The following MAP3K4 variants were observed in gnomAD, a reference collection of about 807,000 sequenced individuals.
MAP3K4 encodes mitogen-activated protein kinase kinase kinase 4.
A neutral mutation model predicts 185.6 loss-of-function variants in MAP3K4; 67 were observed. That is an observed-to-expected ratio of 0.36 (90% CI 0.30 to 0.44). MAP3K4 has a LOEUF of 0.44. Among genes scored for constraint, MAP3K4 ranks in the 20% least tolerant of loss-of-function variants. MAP3K4 has a pLI of 1.00. For synonymous variants in MAP3K4, 702 were observed against 710.4 expected (o/e 0.99, Z 0.19); for missense variants, 1,551 against 1,995.1 (o/e 0.78, Z 4.24).
rs547335654 is a variant in MAP3K4 at position 161,115,670 on chromosome 6, A to T, written c.4806+368A>T. On this transcript the variant is annotated intron_variant, in intron 26 of 26. Coordinates refer to ENST00000392142, the MANE Select transcript of MAP3K4 (RefSeq NM_005922.4). This position sits in a 1 kb window ranked among gnomAD's most constrained non-coding sequence, Gnocchi z 6.0. The stretch of plus-strand genomic sequence containing the variant: ...ATAATGGTATATAAGGTTACTCAGA[A>T]GAGGAATTTAATTAAGTCAGCCAAT... 6.6e-6 allele frequency among the ~76,000 whole-genome samples: 1 copy of T among 152,328 alleles called. No homozygotes were observed. The highest frequency in any genetic ancestry group is 2.1e-4 in the South Asian group (1 of 4,832).
chr6:161,028,608 T>C (rs1055237365), intron 1 of MAP3K4, among the ~76,000 whole-genome samples: 3 of 152,172 alleles, frequency 2.0e-5, no homozygotes, highest in South Asian at 2.1e-4. Context: ...AGGCTCCTGC[T>C]CTTCAGTAAT....
Position 161,080,971 on chromosome 6 carries a change from T to A in MAP3K4, c.2188T>A (p.Trp730Arg). 1 of 1,614,112 alleles carries A rather than the reference T, an allele frequency of 6.2e-7. No individual in the cohort carries two copies. Among genetic ancestry groups the A allele is most frequent in the Non-Finnish European group, 8.5e-7 (1 of 1,179,996 alleles). ...TTTAAAAAATCTGTTAGAAGAAGAA[T>A]GGAATTTCACCAAAGAAATAACTCA... is the stretch of plus-strand genomic sequence containing the variant. ...HSLKNLLEEE[W>R]NFTKEITHYI... The change falls in exon 6 of 27, where the codon TGG (tryptophan) becomes AGG (arginine). Residue 730 changes from tryptophan to arginine, a missense_variant. Trp to Arg is a moderately radical substitution (Grantham distance 101). Coordinates refer to ENST00000392142, the MANE Select transcript of MAP3K4 (RefSeq NM_005922.4). The surrounding 1 kb of genome is among the most constrained non-coding windows in gnomAD (Gnocchi z 4.8).
intron 1 of MAP3K4, among the ~76,000 whole-genome samples, chr6:160,993,026 T>G (rs1490418120): frequency 6.6e-6 from 1 of 152,210 alleles, no homozygotes; most frequent in African/African-American, 2.4e-5. Flanking sequence ...GTTCTAGGAA[T>G]AAGGCAGTAA....
chr6:161,030,367 G>A (rs1782867948), intron 1 of MAP3K4, among the ~76,000 whole-genome samples: 1 of 151,928 alleles, frequency 6.6e-6, no homozygotes, highest in South Asian at 2.1e-4. Context: ...GTCTACTTGA[G>A]TCATTTCTGG....
Position 161,084,418 on chromosome 6 carries a change from C to A in MAP3K4, c.2256-83C>A. On this transcript the variant is annotated intron_variant, in intron 6 of 26. Transcript: ENST00000392142. The surrounding 1 kb of genome is among the most constrained non-coding windows in gnomAD (Gnocchi z 4.6). ...TTAAACCATTAGAGCAGTAGCTGAG[C>A]CTTTCAAGTTTCTCAGTCAAGAATT... 2 of 730,228 alleles carry A rather than the reference C, an allele frequency of 2.7e-6. No individual in the cohort carries two copies. 45.2% of individuals were successfully genotyped at this position (730,228 alleles called of 1,614,324 possible).
chr6:161,088,196 T>C lies in MAP3K4; in HGVS notation c.2823+242T>C, dbSNP rs1785837772. On this transcript the variant is annotated intron_variant, in intron 10 of 26. Transcript: ENST00000392142. The surrounding 1 kb of genome is among the most constrained non-coding windows in gnomAD (Gnocchi z 4.5). ...AACCATCTATCTGGTTTATATCTTT[T>C]CTTAGTTCAGTCATGTAGTTAGATC... Among the ~76,000 whole-genome samples, 1 of 152,248 alleles carries C rather than the reference T, an allele frequency of 6.6e-6. No individual in the cohort carries two copies. The highest frequency in any genetic ancestry group is 2.4e-5 in the African/African-American group (1 of 41,458).
intron 1 of MAP3K4, among the ~76,000 whole-genome samples, chr6:161,014,922 A>T (rs1407494032): frequency 6.6e-6 from 1 of 152,184 alleles, no homozygotes; most frequent in Non-Finnish European, 1.5e-5. Flanking sequence ...CCCGGTCCCC[A>T]ACCCTCCCAC....
rs765680030 is a variant in MAP3K4, at chr6:161,049,716, T to G, written c.1444T>G (p.Phe482Val). ...AATCAGACAGCCCATAGATAACAGCTTCGACATCCAGTCGCGGGACTGCAT... is the reference window on the plus strand; with the variant it reads ...AATCAGACAGCCCATAGATAACAGCGTCGACATCCAGTCGCGGGACTGCAT... ...PEIRQPIDNSFDIQSRDCISK... is the reference protein window; with the variant it reads ...PEIRQPIDNSVDIQSRDCISK... The change falls in exon 3 of 27, where the codon TTC (phenylalanine) becomes GTC (valine). Residue 482 changes from phenylalanine (F) to valine (V), a missense_variant. Physicochemically the swap from Phe to Val is conservative, Grantham distance 50. Coordinates refer to ENST00000392142, the MANE Select transcript of MAP3K4 (RefSeq NM_005922.4). This position sits in a 1 kb window ranked among gnomAD's most constrained non-coding sequence, Gnocchi z 8.4. 3 of 1,614,120 alleles carry G rather than the reference T, an allele frequency of 1.9e-6. No individual in the cohort carries two copies. Among genetic ancestry groups the G allele is most frequent in the Non-Finnish European group, 2.5e-6 (3 of 1,180,022 alleles).
chr6:161,072,832 T>G (rs955342217), intron 4 of MAP3K4, among the ~76,000 whole-genome samples: 1 of 152,200 alleles, frequency 6.6e-6, no homozygotes, highest in Non-Finnish European at 1.5e-5. Flanking sequence ...ATTTCAACCT[T>G]CTGCCCACGT....
At chr6:161,025,904 C>G (rs1297343349) in intron 1 of MAP3K4, among the ~76,000 whole-genome samples, 1 of 152,136 alleles carries the variant, frequency 6.6e-6, no homozygotes, top group Non-Finnish European at 1.5e-5. Flanking sequence ...ATTTTCCTGT[C>G]TTAGACCTAT....
intron 3 of MAP3K4, among the ~76,000 whole-genome samples, chr6:161,052,022 A>C (rs1185177432): frequency 1.3e-5 from 2 of 152,092 alleles, no homozygotes; most frequent in Non-Finnish European, 2.9e-5. Context: ...CTGCGGATGC[A>C]TATCCCAGGG....
rs1213315209 is a variant in MAP3K4 at position 161,106,501 on chromosome 6, G to T, written c.3857-13G>T. 23 of 1,587,208 alleles carry T rather than the reference G, an allele frequency of 1.4e-5. No individual in the cohort carries two copies. Among genetic ancestry groups the T allele is most frequent in the East Asian group, 2.2e-5 (1 of 44,718 alleles). ...AGTGATTGGGACTAATGAGGTTTTGGTTCTCTCTGCAGATACTGCTTCTAA... is the reference window on the plus strand; with the variant it reads ...AGTGATTGGGACTAATGAGGTTTTGTTTCTCTCTGCAGATACTGCTTCTAA... On this transcript the variant is annotated splice_polypyrimidine_tract_variant and intron_variant, in intron 19 of 26. Transcript: ENST00000392142. The surrounding 1 kb of genome is among the most constrained non-coding windows in gnomAD (Gnocchi z 4.9).
chr6:161,109,280 T>C lies in MAP3K4; in HGVS notation c.4236+421T>C, dbSNP rs147385745. ...CCTCAAATTGAGTTTCCTCCTTGTG[T>C]TTAGAAATAAACACGTCGAGGGAAA... On this transcript the variant is annotated intron_variant, in intron 22 of 26. Transcript: ENST00000392142. This position sits in a 1 kb window ranked among gnomAD's most constrained non-coding sequence, Gnocchi z 5.7. 2.6e-4 allele frequency among the ~76,000 whole-genome samples: 40 copies of C among 152,296 alleles called. 1 individual carries two copies. In the East Asian group the frequency reaches 6.5e-3, roughly 25 times the overall value.
In MAP3K4 at chr6:161,088,212, T is replaced by C. The variant is rs538583250; in HGVS notation, c.2823+258T>C. Among the ~76,000 whole-genome samples the C allele has an allele frequency of 1.9e-4, 29 of 152,232 alleles. No individual in the cohort carries two copies. Among genetic ancestry groups the C allele is most frequent in the Non-Finnish European group, 2.9e-4 (20 of 68,036 alleles). On this transcript the variant is annotated intron_variant, in intron 10 of 26. Transcript: ENST00000392142. The surrounding 1 kb of genome is among the most constrained non-coding windows in gnomAD (Gnocchi z 4.5). ...TATATCTTTTCTTAGTTCAGTCATG[T>C]AGTTAGATCTGTGGAGCTATGATCT...
At chr6:161,032,927 G>A (rs985696615) in intron 1 of MAP3K4, among the ~76,000 whole-genome samples, 4 of 152,148 alleles carry the variant, frequency 2.6e-5, no homozygotes, top group African/African-American at 9.7e-5. Flanking sequence ...ATTTAGAGTG[G>A]TCTTTAAAAT....
chr6:161,000,446 C>T (rs1024479556), intron 1 of MAP3K4, among the ~76,000 whole-genome samples: 18 of 152,282 alleles, frequency 1.2e-4, no homozygotes, highest in East Asian at 3.9e-4. Context: ...TACCCGAAGG[C>T]AAGAGTAAGA....
Position 161,091,593 on chromosome 6 carries a change from T to C in MAP3K4, c.3135+53T>C. ...TACAATTTAGTAATTGCTTGATAAC[T>C]TACAGAAAGTTTTTGGAACCTTTTA... is the stretch of plus-strand genomic sequence containing the variant. On this transcript the variant is annotated intron_variant, in intron 12 of 26. Coordinates refer to ENST00000392142, the MANE Select transcript of MAP3K4 (RefSeq NM_005922.4). This position sits in a 1 kb window ranked among gnomAD's most constrained non-coding sequence, Gnocchi z 5.5. 1.3e-6 allele frequency: 2 copies of C among 1,530,554 alleles called. No homozygotes were observed. Among genetic ancestry groups the C allele is most frequent in the Non-Finnish European group, 8.9e-7 (1 of 1,127,832 alleles). The allele number at this position is 1,530,554 out of a possible 1,614,324, so 94.8% of individuals were successfully genotyped here.
chr6:161,066,566 G>A (rs868144298), intron 3 of MAP3K4, among the ~76,000 whole-genome samples: 6 of 151,992 alleles, frequency 3.9e-5, no homozygotes, highest in African/African-American at 9.7e-5. Context: ...ATGAGATCTC[G>A]TATTAGAGTA....
At chr6:161,057,150 T>C (rs1410969811) in intron 3 of MAP3K4, among the ~76,000 whole-genome samples, 1 of 152,254 alleles carries the variant, frequency 6.6e-6, no homozygotes, top group Non-Finnish European at 1.5e-5. Context: ...ATTATAAATT[T>C]AATGGCCAAT....
Sources: gnomAD v4.1 joint callset for allele counts (sites outside exome capture counted in the v4.1 genomes callset) on GRCh38, gnomAD v4.1.1 for gene constraint, Gnocchi (gnomAD v3.1) non-coding constraint, MANE v1.5 for transcripts, NCBI Gene and HGNC (gene_info 2026-07-23, HGNC 2026-07-21) for gene names.